The following DTNB variants were observed in gnomAD, a reference collection of about 807,000 sequenced individuals.
DTNB encodes the protein dystrobrevin beta, also known as DTN-B.
A neutral mutation model predicts 90.7 loss-of-function variants in DTNB; 63 were observed. The observed-to-expected ratio is 0.69, with a 90% CI of 0.57 to 0.86. The LOEUF (loss-of-function observed/expected upper bound fraction) is 0.86, where lower values mean the gene tolerates loss of function less well. DTNB is among the 40% of genes least tolerant of loss of function. DTNB has a pLI of 0.00. For synonymous variants in DTNB, 277 were observed against 286.7 expected, an observed-to-expected ratio of 0.97 and a Z score of 0.34; for missense variants, 744 against 807.1, an observed-to-expected ratio of 0.92 and a Z score of 0.95.
intron 3 of DTNB, among the ~76,000 whole-genome samples, chr2:25,634,207 C>T (rs1448386299): frequency 7.9e-6 from 1 of 126,128 alleles, no homozygotes; most frequent in East Asian, 2.7e-4. Context: ...CCCCTCTGCC[C>T]GGCCAGCCGC....
intron 20 of DTNB, among the ~76,000 whole-genome samples, chr2:25,379,052 G>T (rs1337123599): frequency 6.6e-6 from 1 of 152,188 alleles, no homozygotes; most frequent in African/African-American, 2.4e-5. Flanking sequence ...AGGACACCAG[G>T]CCATGCCCAA....
intron 9 of DTNB, among the ~76,000 whole-genome samples, chr2:25,499,088 G>A (rs768806963): frequency 3.3e-5 from 5 of 151,468 alleles, no homozygotes; most frequent in Non-Finnish European, 7.4e-5. Context: ...TGGTGGCAGG[G>A]TGCCTGTAAT....
chr2:25,631,399 C>A (rs2075718068), intron 3 of DTNB, among the ~76,000 whole-genome samples: 1 of 151,818 alleles, frequency 6.6e-6, no homozygotes, highest in East Asian at 1.9e-4. Context: ...AGTGGAATCC[C>A]ATCTCCACAA....
Position 25,616,910 on chromosome 2 carries a change from C to T in DTNB, c.363-9589G>A, listed in dbSNP as rs188678625. Among the ~76,000 whole-genome samples, 688 of 115,986 alleles carry T rather than the reference C, an allele frequency of 5.9e-3. 6 individuals carry two copies. The highest frequency in any genetic ancestry group is 0.022 in the African/African-American group (646 of 29,298). The allele number at this position is 115,986 out of a possible 152,430, so 76.1% of individuals were successfully genotyped here. ...TCGCGCCACTGCACTCCAGCCTGGGCGACAGAGCAAGACCCCGTCTCAAAA... is the reference window on the plus strand; with the variant it reads ...TCGCGCCACTGCACTCCAGCCTGGGTGACAGAGCAAGACCCCGTCTCAAAA... On this transcript the variant is annotated intron_variant, in intron 4 of 20. Transcript: ENST00000406818.
intron 9 of DTNB, among the ~76,000 whole-genome samples, chr2:25,486,279 A>G (rs181478613): frequency 5.3e-5 from 8 of 152,182 alleles, no homozygotes; most frequent in African/African-American, 1.9e-4. Flanking sequence ...CCTGGGCAAC[A>G]TAGCGAAACC....
intron 9 of DTNB, among the ~76,000 whole-genome samples, chr2:25,497,813 C>T (rs955458878): frequency 2.0e-4 from 31 of 152,158 alleles, no homozygotes; most frequent in Admixed American, 1.8e-3. Flanking sequence ...GTTTCTATCC[C>T]CACTGCCACC....
intron 1 of DTNB, among the ~76,000 whole-genome samples, chr2:25,656,814 A>G (rs1393453258): frequency 6.6e-6 from 1 of 152,148 alleles, no homozygotes; most frequent in Non-Finnish European, 1.5e-5. Flanking sequence ...ACCAGAACAC[A>G]TCTTCAGTCT....
intron 10 of DTNB, among the ~76,000 whole-genome samples, chr2:25,458,793 C>T (rs999696762): frequency 2.0e-4 from 30 of 152,076 alleles, no homozygotes; most frequent in African/African-American, 5.8e-4. Context: ...TACAGGTGCC[C>T]GCCACCAAGG....
At chr2:25,610,866 T>C (rs1236715431) in intron 4 of DTNB, among the ~76,000 whole-genome samples, 1 of 152,158 alleles carries the variant, frequency 6.6e-6, no homozygotes, top group African/African-American at 2.4e-5. Flanking sequence ...CACACCACCA[T>C]GCCCAGATAA....
intron 16 of DTNB, among the ~76,000 whole-genome samples, chr2:25,415,135 G>C (rs1300513109): frequency 6.6e-6 from 1 of 151,764 alleles, no homozygotes; most frequent in Non-Finnish European, 1.5e-5. Flanking sequence ...TAAAGTAACA[G>C]TTATTGCCCA....
intron 8 of DTNB, among the ~76,000 whole-genome samples, chr2:25,551,062 A>C (rs572314120): frequency 1.3e-5 from 2 of 151,788 alleles, no homozygotes; most frequent in African/African-American, 4.8e-5. Context: ...TTTCCTTCAT[A>C]CTCTATTTCT....
intron 10 of DTNB, among the ~76,000 whole-genome samples, chr2:25,460,355 G>A (rs1186168714): frequency 1.3e-5 from 2 of 152,120 alleles, no homozygotes; most frequent in African/African-American, 2.4e-5. Context: ...GTGGATATAC[G>A]AGGTAAGGGC....
rs1385288642 is a variant in DTNB, at chr2:25,413,833, T to C, written c.1575+5682A>G. 3.3e-5 allele frequency among the ~76,000 whole-genome samples: 5 copies of C among 152,246 alleles called. No individual in the cohort carries two copies. In the East Asian group the frequency reaches 7.7e-4, roughly 23 times the overall value. On this transcript the variant is annotated intron_variant, in intron 16 of 20. Transcript: ENST00000406818. ...CTGGGTCAAATGGTATTTCTAGTTA[T>C]AGATCCTTGAGGAATTGCCACACCG...
intron 8 of DTNB, among the ~76,000 whole-genome samples, chr2:25,548,840 CG>C (rs2082995181): frequency 6.6e-6 from 1 of 152,074 alleles, no homozygotes; most frequent in Non-Finnish European, 1.5e-5. Context: ...AGGGCAGAAC[CG>C]GGGACATCAC....
chr2:25,431,872 C>G (rs185731013), intron 14 of DTNB, among the ~76,000 whole-genome samples: 1 of 152,298 alleles, frequency 6.6e-6, no homozygotes, highest in East Asian at 1.9e-4. Flanking sequence ...CCACCCAAAT[C>G]TCAGCCTAAC....
At chr2:25,625,792 C>T (rs2074006786) in intron 4 of DTNB, among the ~76,000 whole-genome samples, 2 of 152,060 alleles carry the variant, frequency 1.3e-5, no homozygotes, top group Admixed American at 1.3e-4. Flanking sequence ...AACCTGAATG[C>T]CTGTGTTCCC....
intron 16 of DTNB, among the ~76,000 whole-genome samples, chr2:25,404,553 T>C (rs948656821): frequency 2.6e-5 from 4 of 151,988 alleles, no homozygotes; most frequent in Non-Finnish European, 5.9e-5. Flanking sequence ...GCAGAGTTTA[T>C]TTAATAGGCC....
intron 6 of DTNB, among the ~76,000 whole-genome samples, chr2:25,587,419 C>G (rs1346739354): frequency 6.6e-6 from 1 of 152,146 alleles, no homozygotes; most frequent in African/African-American, 2.4e-5. Context: ...TACTTGAATA[C>G]TAGTTAGTCA....
chr2:25,633,375 G>C (rs993758176), intron 3 of DTNB, among the ~76,000 whole-genome samples: 2 of 152,112 alleles, frequency 1.3e-5, no homozygotes, highest in Admixed American at 1.3e-4. Flanking sequence ...TGTGTTGGCC[G>C]GGCTGGTCTC....
Sources: allele counts gnomAD v4.1 joint callset (sites outside exome capture counted in the v4.1 genomes callset), GRCh38; gene constraint gnomAD v4.1.1; transcripts MANE v1.5; gene names NCBI Gene and HGNC (gene_info 2026-07-23, HGNC 2026-07-21).